Variants in OR8B8 observed in about 807,000 individuals in gnomAD.
The protein encoded by OR8B8 is olfactory receptor family 8 subfamily B member 8, also known as olfactory receptor 8B8.
In OR8B8, 8 loss-of-function variants were observed where a neutral mutation model predicts 10.5. That is an observed-to-expected ratio of 0.76 (90% CI 0.45 to 1.38). OR8B8 has a LOEUF of 1.38. Ranked by LOEUF, OR8B8 falls within the 40% of genes most tolerant of loss-of-function variation. The probability of loss-of-function intolerance (pLI) is 0.00; values close to 1 mark genes in which losing one functional copy is unlikely to be tolerated. For missense variants in OR8B8, 390 were observed against 380.5 expected (o/e 1.03, Z -0.21); for synonymous variants, 150 against 145.2 (o/e 1.03, Z -0.24).
chr11:124,439,736 A>G lies in OR8B8; in HGVS notation c.*414T>C, dbSNP rs1047751039. ...TTAAAATTAGCCTTTGAAAAGTTGCATGTAATTTCTGAGGACAGAATCAGA... is the reference window on the plus strand; with the variant it reads ...TTAAAATTAGCCTTTGAAAAGTTGCGTGTAATTTCTGAGGACAGAATCAGA... On this transcript the variant is annotated 3_prime_UTR_variant, in exon 3 of 3. Coordinates refer to ENST00000642064, the MANE Select transcript of OR8B8 (RefSeq NM_012378.2). 5 of 160,570 alleles carry G rather than the reference A, an allele frequency of 3.1e-5. No homozygotes were observed. Among genetic ancestry groups the G allele is most frequent in the African/African-American group, 1.2e-4 (5 of 41,688 alleles). The allele number at this position is 160,570 out of a possible 1,614,324, so 9.9% of individuals were successfully genotyped here.
rs775943430 is a variant in OR8B8, at chr11:124,440,730, G to A, written c.356C>T (p.Ala119Val). The A allele has an allele frequency of 1.4e-5, 22 of 1,614,044 alleles. No homozygotes were observed. In the East Asian group the frequency reaches 1.6e-4, roughly 11 times the overall value. The change falls in exon 3 of 3, where the codon GCG becomes GTG. Residue 119 changes from alanine to valine, a missense_variant. Coordinates refer to ENST00000642064, the MANE Select transcript of OR8B8 (RefSeq NM_012378.2). ...ACAGATGGCCACATAGCGGTCATACGCCATTGCTGACAGGATGAAGGACTC... is the reference window on the plus strand; with the variant it reads ...ACAGATGGCCACATAGCGGTCATACACCATTGCTGACAGGATGAAGGACTC... ...VSESFILSAM[A>V]YDRYVAICNP...
At position 124,440,769 on chromosome 11, in the gene OR8B8, AAAAG is replaced by A; in HGVS notation, c.313_316del (p.Leu105SerfsTer58). On this transcript the variant is annotated frameshift_variant, in exon 3 of 3. Coordinates refer to ENST00000642064, the MANE Select transcript of OR8B8 (RefSeq NM_012378.2). LOFTEE classifies it high-confidence loss of function. ...GATGAAGGACTCAGAGACAACAAAG[AAAAG>A]AAAGAAGAAGAGCTGAGTCATACAC... is the stretch of plus-strand genomic sequence containing the variant. 3 of 1,614,162 alleles carry A rather than the reference AAAAG, an allele frequency of 1.9e-6. No individual in the cohort carries two copies. Among genetic ancestry groups the A allele is most frequent in the Non-Finnish European group, 2.5e-6 (3 of 1,179,994 alleles).
At position 124,439,056 on chromosome 11, in the gene OR8B8, T is replaced by A. The variant is rs1458768412; in HGVS notation, c.*1094A>T. ...GAAACCATGCAAAAAGTACCCCACA[T>A]GGTTTCTGCTGCATGCAGCATTATA... is the stretch of plus-strand genomic sequence containing the variant. On this transcript the variant is annotated 3_prime_UTR_variant, in exon 3 of 3. Transcript: ENST00000642064. 1 of 152,292 alleles carries A rather than the reference T, an allele frequency of 6.6e-6. No individual in the cohort carries two copies. The highest frequency in any genetic ancestry group is 1.5e-5 in the Non-Finnish European group (1 of 68,086). 9.4% of individuals were successfully genotyped at this position (152,292 alleles called of 1,614,324 possible).
chr11:124,443,765 T>A (rs1861500096), intron 1 of OR8B8, among the ~76,000 whole-genome samples: 1 of 152,216 alleles, frequency 6.6e-6, no homozygotes, highest in Admixed American at 6.5e-5. Flanking sequence ...CTTCTGCTGT[T>A]GCTGTGGCAG....
chr11:124,445,096 C>T (rs774432484), intron 1 of OR8B8, among the ~76,000 whole-genome samples: 1 of 152,158 alleles, frequency 6.6e-6, no homozygotes, highest in Non-Finnish European at 1.5e-5. Flanking sequence ...GGTTTCTTTA[C>T]AGCCTCCCAT....
At chr11:124,443,366 A>C (rs1861496059) in intron 1 of OR8B8, among the ~76,000 whole-genome samples, 1 of 152,194 alleles carries the variant, frequency 6.6e-6, no homozygotes, top group Non-Finnish European at 1.5e-5. Flanking sequence ...TCCATGGAAT[A>C]TATTGAATAT....
In OR8B8 at chr11:124,439,996, T is replaced by C; in HGVS notation, c.*154A>G. The C allele has an allele frequency of 3.2e-6, 2 of 629,426 alleles. No homozygotes were observed. The highest frequency in any genetic ancestry group is 4.2e-5 in the South Asian group (2 of 47,978). 39.0% of individuals were successfully genotyped at this position (629,426 alleles called of 1,614,324 possible). A position where few individuals can be genotyped will look rare whatever the true frequency, so the allele number is the denominator to read the frequency against. On this transcript the variant is annotated 3_prime_UTR_variant, in exon 3 of 3. Coordinates refer to ENST00000642064, the MANE Select transcript of OR8B8 (RefSeq NM_012378.2). ...ATCCTCAAGACTTACTGTGTGAGTA[T>C]TCAAAGCTCTTAAGAATGTTTGTAA...
intron 1 of OR8B8, among the ~76,000 whole-genome samples, chr11:124,443,720 T>A (rs1861499368): frequency 6.6e-6 from 1 of 152,214 alleles, no homozygotes; most frequent in South Asian, 2.1e-4. Flanking sequence ...ACATGTTTTA[T>A]GCCTCATTTT....
intron 1 of OR8B8, among the ~76,000 whole-genome samples, chr11:124,444,627 C>A (rs1861508956): frequency 6.6e-6 from 1 of 152,182 alleles, no homozygotes; most frequent in Admixed American, 6.5e-5. Flanking sequence ...TCTCAATCTC[C>A]TCATCTATAA....
Position 124,437,626 on chromosome 11 carries a change from T to TTGTGTGTG in OR8B8, c.*2516_*2523dup, listed in dbSNP as rs66912990. On this transcript the variant is annotated 3_prime_UTR_variant, in exon 3 of 3. Transcript: ENST00000642064. ...AGGTGGGGGAGGTCTCTCTCAGACT[T>TTGTGTGTG]TGTGTGTGTGTGTGTGTGTGTGTGT... 1,615 of 143,954 alleles carry TTGTGTGTG rather than the reference T, an allele frequency of 0.011. 19 individuals are homozygous for TTGTGTGTG. Among genetic ancestry groups the TTGTGTGTG allele is most frequent in the Middle Eastern group, 0.035 (10 of 282 alleles). The allele number at this position is 143,954 out of a possible 1,614,324, so 8.9% of individuals were successfully genotyped here.
In OR8B8 at chr11:124,439,971, A is replaced by C; in HGVS notation, c.*179T>G. The stretch of plus-strand genomic sequence containing the variant: ...AAATAGCGGGGAACTGAGTGAAATG[A>C]TCCTCAAGACTTACTGTGTGAGTAT... On this transcript the variant is annotated 3_prime_UTR_variant, in exon 3 of 3. Coordinates refer to ENST00000642064, the MANE Select transcript of OR8B8 (RefSeq NM_012378.2). 1.7e-6 allele frequency: 1 copy of C among 592,416 alleles called. No homozygotes were observed. The highest frequency in any genetic ancestry group is 2.3e-5 in the South Asian group (1 of 43,054). 36.7% of individuals were successfully genotyped at this position (592,416 alleles called of 1,614,324 possible). A position where few individuals can be genotyped will look rare whatever the true frequency, so the allele number is the denominator to read the frequency against.
At chr11:124,443,611 C>T (rs1752447884) in intron 1 of OR8B8, among the ~76,000 whole-genome samples, 1 of 152,196 alleles carries the variant, frequency 6.6e-6, no homozygotes, top group Non-Finnish European at 1.5e-5. Flanking sequence ...AGTCACATAA[C>T]GCTGGCCCTG....
rs1404729181 is a variant in OR8B8, at chr11:124,438,473, T to C, written c.*1677A>G. 1 of 152,214 alleles carries C rather than the reference T, an allele frequency of 6.6e-6. No individual in the cohort carries two copies. The highest frequency in any genetic ancestry group is 2.4e-5 in the African/African-American group (1 of 41,460). The allele number at this position is 152,214 out of a possible 1,614,324, so 9.4% of individuals were successfully genotyped here. ...ATTTTCACAGCATTTCACATATCAT[T>C]GTTTCACAAAGAAATCTACTATTTA... On this transcript the variant is annotated 3_prime_UTR_variant, in exon 3 of 3. Transcript: ENST00000642064.
rs74383090 is a variant in OR8B8 at position 124,440,603 on chromosome 11, C to G, written c.483G>C (p.Ala161=). 7.0e-3 allele frequency: 11,361 copies of G among 1,614,070 alleles called. 57 individuals carry two copies. Among genetic ancestry groups the G allele is most frequent in the Non-Finnish European group, 8.3e-3 (9,796 of 1,179,982 alleles). Residue 161 remains alanine, a synonymous_variant, in exon 3 of 3, where the codon GCG becomes GCC. Coordinates refer to ENST00000642064, the MANE Select transcript of OR8B8 (RefSeq NM_012378.2). The stretch of plus-strand genomic sequence containing the variant: ...CACAGAAGGTCACACCCATCATGCA[C>G]GCTGTGTGGGCCATGGCCCCAGCAA... ...MGFAGAMAHT[A]CMMGVTFCAN...
At chr11:124,441,265 T>C (rs1009443037) in intron 2 of OR8B8, 164 bp from the exon 3 acceptor site, 1 of 589,648 alleles carries the variant, frequency 1.7e-6, no homozygotes, top group Non-Finnish European at 3.0e-6. Flanking sequence ...CCCGCCTCCA[T>C]GGCCAGGGCA....
At chr11:124,442,913 T>C (rs1861489261) in intron 1 of OR8B8, among the ~76,000 whole-genome samples, 1 of 135,942 alleles carries the variant, frequency 7.4e-6, no homozygotes, top group Non-Finnish European at 1.6e-5. Context: ...TGCAAATGAA[T>C]TAGATAACTA....
At chr11:124,441,197 CAGAG>C (rs981828904) in intron 2 of OR8B8, 96 bp from the exon 3 acceptor site, 2 of 820,898 alleles carry the variant, frequency 2.4e-6, no homozygotes, top group South Asian at 1.8e-5. Flanking sequence ...AGGAGGCACA[CAGAG>C]AGATTTTGAA....
chr11:124,442,354 G>T (rs1397965788), intron 1 of OR8B8, among the ~76,000 whole-genome samples: 1 of 152,138 alleles, frequency 6.6e-6, no homozygotes, highest in Non-Finnish European at 1.5e-5. Context: ...TCTTGAAAAA[G>T]ACACTAGAAC....
chr11:124,443,854 C>T (rs1379193926), intron 1 of OR8B8, among the ~76,000 whole-genome samples: 1 of 152,152 alleles, frequency 6.6e-6, no homozygotes, highest in Admixed American at 6.5e-5. Flanking sequence ...CCTAGGACAC[C>T]TCTGCCACCA....
Sources: gnomAD v4.1 joint callset for allele counts (sites outside exome capture counted in the v4.1 genomes callset) on GRCh38, gnomAD v4.1.1 for gene constraint, MANE v1.5 for transcripts, NCBI Gene and HGNC (gene_info 2026-07-23, HGNC 2026-07-21) for gene names.